OPCML: variants seen among roughly 807,000 people sequenced by gnomAD.
The protein encoded by OPCML is opioid binding protein/cell adhesion molecule like.
OPCML carries 13 observed loss-of-function variants against 37.8 expected under a neutral mutation model. The observed-to-expected ratio is 0.34, with a 90% CI of 0.22 to 0.55. OPCML has a LOEUF of 0.55. OPCML is among the 20% of genes least tolerant of loss of function. OPCML has a pLI of 0.91. For synonymous variants in OPCML, 176 were observed against 168.8 expected (o/e 1.04, Z -0.33); for missense variants, 341 against 435.6 (o/e 0.78, Z 1.93).
intron 1 of OPCML, among the ~76,000 whole-genome samples, chr11:133,195,605 G>A (rs1938506135): frequency 6.6e-6 from 1 of 152,204 alleles, no homozygotes; most frequent in Non-Finnish European, 1.5e-5. Flanking sequence ...TGGTATCTGT[G>A]TAGGATTCAA....
At chr11:132,976,848 T>A (rs929025015) in intron 1 of OPCML, among the ~76,000 whole-genome samples, 1 of 152,252 alleles carries the variant, frequency 6.6e-6, no homozygotes, top group Non-Finnish European at 1.5e-5. Flanking sequence ...AATATGTGAA[T>A]GAGTGATAGT....
intron 1 of OPCML, among the ~76,000 whole-genome samples, chr11:133,182,377 G>A (rs1937873682): frequency 6.6e-6 from 1 of 152,186 alleles, no homozygotes; most frequent in South Asian, 2.1e-4. Context: ...TGCAATTTCT[G>A]TGTTTATCTA....
At chr11:132,653,118 G>C (rs891726549) in intron 3 of OPCML, among the ~76,000 whole-genome samples, 2 of 152,206 alleles carry the variant, frequency 1.3e-5, no homozygotes, top group Admixed American at 6.5e-5. Context: ...TGTAATGTTT[G>C]TGTGTTGTTT....
At chr11:132,471,809 C>T (rs1315556937) in intron 4 of OPCML, among the ~76,000 whole-genome samples, 2 of 152,164 alleles carry the variant, frequency 1.3e-5, no homozygotes, top group Admixed American at 6.5e-5. Context: ...GCTAAATACA[C>T]TCAACAATCT....
At position 132,757,493 on chromosome 11, in the gene OPCML, C is replaced by G. The variant is rs185308302; in HGVS notation, c.147-100174G>C. On this transcript the variant is annotated intron_variant, in intron 2 of 7. Coordinates refer to ENST00000524381, the MANE Select transcript of OPCML (RefSeq NM_001012393.5). ...TCCTGACTTTTTAATGATTGCCATTCTAACTGGTGTGAGATGGTATCTCAT... is the reference window on the plus strand; with the variant it reads ...TCCTGACTTTTTAATGATTGCCATTGTAACTGGTGTGAGATGGTATCTCAT... 2.2e-3 allele frequency among the ~76,000 whole-genome samples: 330 copies of G among 152,310 alleles called. 2 individuals are homozygous for G. The highest frequency in any genetic ancestry group is 7.6e-3 in the African/African-American group (317 of 41,562).
intron 1 of OPCML, among the ~76,000 whole-genome samples, chr11:132,965,182 C>T (rs1946186602): frequency 6.6e-6 from 1 of 152,190 alleles, no homozygotes; most frequent in Non-Finnish European, 1.5e-5. Flanking sequence ...TTCGTCCTCG[C>T]CAGCCTCATC....
At chr11:133,000,546 A>C (rs1946979062) in intron 1 of OPCML, among the ~76,000 whole-genome samples, 1 of 152,218 alleles carries the variant, frequency 6.6e-6, no homozygotes, top group Non-Finnish European at 1.5e-5. Context: ...CTACTGGAGG[A>C]AATCCTTAAT....
chr11:133,416,730 C>T (rs1359032191), intron 1 of OPCML, among the ~76,000 whole-genome samples: 1 of 152,162 alleles, frequency 6.6e-6, no homozygotes, highest in Admixed American at 6.5e-5. Flanking sequence ...TTCCTGGCTC[C>T]TGTCACGGAA....
At chr11:132,601,454 C>T (rs762110270) in intron 3 of OPCML, among the ~76,000 whole-genome samples, 13 of 152,206 alleles carry the variant, frequency 8.5e-5, no homozygotes, top group Non-Finnish European at 1.6e-4. Context: ...TTGTCAAAAC[C>T]TGTGTCTTGA....
chr11:132,620,724 G>A (rs946058529), intron 3 of OPCML, among the ~76,000 whole-genome samples: 11 of 152,198 alleles, frequency 7.2e-5, no homozygotes, highest in Non-Finnish European at 1.0e-4. Flanking sequence ...TAGAGAATGC[G>A]TTGACCTGGC....
chr11:132,694,355 C>T (rs571532351), intron 2 of OPCML, among the ~76,000 whole-genome samples: 29 of 151,992 alleles, frequency 1.9e-4, no homozygotes, highest in Admixed American at 5.2e-4. Context: ...CGTGCCACCA[C>T]GCCCGGCTAA....
At chr11:132,623,288 C>T (rs1262130224) in intron 3 of OPCML, among the ~76,000 whole-genome samples, 3 of 151,820 alleles carry the variant, frequency 2.0e-5, no homozygotes, top group Non-Finnish European at 2.9e-5. Context: ...AGCTTCACTT[C>T]GCCTGGAAAT....
intron 1 of OPCML, chr11:133,422,777 TG>T (rs1945919442): frequency 1.1e-6 from 1 of 906,162 alleles, no homozygotes; most frequent in Non-Finnish European, 1.3e-6. Context: ...AAAGTATTTA[TG>T]ATTTTTATAT....
intron 1 of OPCML, chr11:133,420,940 T>C: frequency 1.0e-6 from 1 of 985,360 alleles, no homozygotes; most frequent in Non-Finnish European, 1.2e-6. Flanking sequence ...ATAATTGGTC[T>C]TGAAAATGAG....
At chr11:133,136,242 T>C (rs926832606) in intron 1 of OPCML, among the ~76,000 whole-genome samples, 2 of 152,202 alleles carry the variant, frequency 1.3e-5, no homozygotes, top group Non-Finnish European at 2.9e-5. Context: ...GAGTTTGGAA[T>C]GATATGCATG....
intron 1 of OPCML, among the ~76,000 whole-genome samples, chr11:132,945,544 C>G (rs1198570687): frequency 6.6e-6 from 1 of 152,202 alleles, no homozygotes; most frequent in Non-Finnish European, 1.5e-5. Flanking sequence ...TAGGACATTA[C>G]TGCACACCAC....
At chr11:132,962,304 C>T (rs368295481) in intron 1 of OPCML, among the ~76,000 whole-genome samples, 5 of 152,180 alleles carry the variant, frequency 3.3e-5, no homozygotes, top group East Asian at 1.9e-4. Context: ...CAGCCAATCC[C>T]GGCCCGGGCT....
intron 1 of OPCML, among the ~76,000 whole-genome samples, chr11:133,338,277 T>C (rs1250885495): frequency 2.0e-5 from 3 of 152,196 alleles, no homozygotes; most frequent in Non-Finnish European, 4.4e-5. Context: ...TACCCGCCAC[T>C]GGCTCTCTTG....
At chr11:132,574,375 T>C (rs2096445572) in intron 3 of OPCML, among the ~76,000 whole-genome samples, 1 of 151,558 alleles carries the variant, frequency 6.6e-6, no homozygotes, top group Admixed American at 6.6e-5. Flanking sequence ...TCCTTCTTGT[T>C]TTTAGTGTAT....
Sources: gnomAD v4.1 joint callset for allele counts (sites outside exome capture counted in the v4.1 genomes callset) on GRCh38, gnomAD v4.1.1 for gene constraint, MANE v1.5 for transcripts, NCBI Gene and HGNC (gene_info 2026-07-23, HGNC 2026-07-21) for gene names.